Variants in UBXN2A observed in about 807,000 individuals in gnomAD.
The protein encoded by UBXN2A is UBX domain-containing protein 2A.
UBXN2A carries 28 observed loss-of-function variants against 28.4 expected under a neutral mutation model. That is an observed-to-expected ratio of 0.99 (90% CI 0.73 to 1.35). The LOEUF (loss-of-function observed/expected upper bound fraction) is 1.35, where lower values mean the gene tolerates loss of function less well. Among genes scored for constraint, UBXN2A ranks in the 40% most tolerant of loss-of-function variants. UBXN2A has a pLI of 0.00. For synonymous variants in UBXN2A, 97 were observed against 103.6 expected, an observed-to-expected ratio of 0.94 and a Z score of 0.39; for missense variants, 253 against 297.9, an observed-to-expected ratio of 0.85 and a Z score of 1.11.
At chr2:23,943,759 G>A in intron 1 of UBXN2A, 1 of 211,356 alleles carries the variant, frequency 4.7e-6, no homozygotes, top group Non-Finnish European at 9.7e-6. Context: ...CCAAAGTGCT[G>A]GGATTACAGG....
chr2:23,972,594 C>T (rs556301919), intron 3 of UBXN2A, among the ~76,000 whole-genome samples: 4 of 152,132 alleles, frequency 2.6e-5, no homozygotes, highest in Admixed American at 1.3e-4. Flanking sequence ...GAGGCTGAGG[C>T]GGGTGGATCA....
At chr2:23,942,497 C>G (rs1399612248) in intron 1 of UBXN2A, among the ~76,000 whole-genome samples, 1 of 143,478 alleles carries the variant, frequency 7.0e-6, no homozygotes, top group African/African-American at 2.6e-5. Context: ...GATCTTGGCT[C>G]ACTGCAATCT....
At chr2:23,980,896 G>A (rs1255229379) in intron 4 of UBXN2A, among the ~76,000 whole-genome samples, 2 of 152,002 alleles carry the variant, frequency 1.3e-5, no homozygotes, top group Non-Finnish European at 2.9e-5. Flanking sequence ...CACAGTGCTG[G>A]GATTACAGGC....
intron 2 of UBXN2A, among the ~76,000 whole-genome samples, chr2:23,968,469 C>G (rs552992864): frequency 6.6e-6 from 1 of 151,848 alleles, no homozygotes; most frequent in Admixed American, 6.6e-5. Flanking sequence ...GAGGTCAGAT[C>G]GAGATAATCC....
chr2:23,937,482 C>T (rs185927255), upstream of UBXN2A, among the ~76,000 whole-genome samples: 279 of 152,036 alleles, frequency 1.8e-3, no homozygotes, highest in African/African-American at 5.0e-3. Context: ...CCCAGGAGTT[C>T]GATATCAACC....
chr2:23,932,605 A>G (rs1372924821), intron 1 of UBXN2A, among the ~76,000 whole-genome samples: 3 of 152,146 alleles, frequency 2.0e-5, no homozygotes, highest in Non-Finnish European at 2.9e-5. Context: ...CACACTGATC[A>G]ACAGGTTTAC....
chr2:23,969,886 A>G (rs1432012716), intron 2 of UBXN2A, among the ~76,000 whole-genome samples: 2 of 152,226 alleles, frequency 1.3e-5, no homozygotes, highest in Non-Finnish European at 2.9e-5. Context: ...TGTGCAAAGG[A>G]ACAAAAATGC....
At chr2:23,975,256 TTTCAGATTCCACA>T (rs1707607630) in intron 3 of UBXN2A, among the ~76,000 whole-genome samples, 1 of 152,158 alleles carries the variant, frequency 6.6e-6, no homozygotes, top group Non-Finnish European at 1.5e-5. Context: ...GGTTGGTAAG[TTTCAGATTCCACA>T]TTCAGATTCT....
chr2:23,978,301 C>T (rs1233569840), intron 4 of UBXN2A, among the ~76,000 whole-genome samples: 1 of 152,120 alleles, frequency 6.6e-6, no homozygotes, highest in African/African-American at 2.4e-5. Flanking sequence ...GTAGAAGTCT[C>T]TCTGACCCTA....
rs1242182133 is a variant in UBXN2A at position 23,974,407 on chromosome 2, G to C, written c.181-2562G>C. ...GTCGCCCAGGCTGGAGTGCAGTGGC[G>C]TGATCTCGGCTCACTGCAAGCTCCG... is the stretch of plus-strand genomic sequence containing the variant. On this transcript the variant is annotated intron_variant, in intron 3 of 6. Coordinates refer to ENST00000309033, the MANE Select transcript of UBXN2A (RefSeq NM_181713.4). Among the ~76,000 whole-genome samples, 5 of 149,438 alleles carry C rather than the reference G, an allele frequency of 3.3e-5. No homozygotes were observed. The East Asian group carries it at 8.0e-4, about 24-fold the overall frequency.
intron 6 of UBXN2A, among the ~76,000 whole-genome samples, chr2:23,985,718 A>G (rs572163074): frequency 5.9e-5 from 9 of 151,724 alleles, no homozygotes; most frequent in Admixed American, 2.6e-4. Flanking sequence ...GAGGTAGGCC[A>G]GGTGCAATGG....
rs1380111810 is a variant in UBXN2A, at chr2:23,975,646, T to C, written c.181-1323T>C. On this transcript the variant is annotated intron_variant, in intron 3 of 6. Transcript: ENST00000309033. ...TGACCCTAGCATCTACTTTCTTTTT[T>C]CGTTTTTTTAAGATGGCGTTTCACT... Among the ~76,000 whole-genome samples, 14 of 152,274 alleles carry C rather than the reference T, an allele frequency of 9.2e-5. No homozygotes were observed. In the East Asian group the frequency reaches 1.9e-3, roughly 21 times the overall value.
At chr2:23,937,825 C>T (rs902513386), upstream of UBXN2A, among the ~76,000 whole-genome samples, 10 of 152,158 alleles carry the variant, frequency 6.6e-5, no homozygotes, top group African/African-American at 2.4e-4. Context: ...GTGAATTCGT[C>T]GTTGTGTGAA....
At chr2:23,954,879 C>T (rs895576499) in intron 1 of UBXN2A, among the ~76,000 whole-genome samples, 1 of 151,090 alleles carries the variant, frequency 6.6e-6, no homozygotes, top group Admixed American at 6.6e-5. Flanking sequence ...GCCTCTCAGC[C>T]TCCCAAGTAG....
At chr2:23,948,979 C>T (rs1055220958) in intron 1 of UBXN2A, among the ~76,000 whole-genome samples, 2 of 141,404 alleles carry the variant, frequency 1.4e-5, no homozygotes, top group African/African-American at 5.2e-5. Context: ...GAATCTCTGT[C>T]ACCCAGACTA....
chr2:23,973,019 G>A (rs559205364), intron 3 of UBXN2A, among the ~76,000 whole-genome samples: 1 of 152,070 alleles, frequency 6.6e-6, no homozygotes, highest in African/African-American at 2.4e-5. Flanking sequence ...AAGAAAGAAT[G>A]GTTTACATAC....
At chr2:23,986,882 A>T (rs745844506) in intron 6 of UBXN2A, among the ~76,000 whole-genome samples, 1 of 152,118 alleles carries the variant, frequency 6.6e-6, no homozygotes, top group African/African-American at 2.4e-5. Flanking sequence ...TGCTGGGATT[A>T]CAAGCATGAG....
upstream of UBXN2A, among the ~76,000 whole-genome samples, chr2:23,937,883 C>T (rs1298535424): frequency 6.6e-6 from 1 of 152,158 alleles, no homozygotes; most frequent in African/African-American, 2.4e-5. Flanking sequence ...GTGTACTACA[C>T]ATCTAGGCAA....
At chr2:23,973,639 C>CTT (rs548688766) in intron 3 of UBXN2A, among the ~76,000 whole-genome samples, 42 of 141,686 alleles carry the variant, frequency 3.0e-4, no homozygotes, top group Admixed American at 4.3e-4. Flanking sequence ...TGTGTCCAGC[C>CTT]TTTTTTTTTT....
Sources: gnomAD v4.1 joint callset for allele counts (sites outside exome capture counted in the v4.1 genomes callset) on GRCh38, gnomAD v4.1.1 for gene constraint, MANE v1.5 for transcripts, NCBI Gene and HGNC (gene_info 2026-07-23, HGNC 2026-07-21) for gene names.